GRIK2: variants seen among roughly 807,000 people sequenced by gnomAD.
GRIK2 encodes glutamate ionotropic receptor kainate type subunit 2.
GRIK2 carries 32 observed loss-of-function variants against 100.3 expected under a neutral mutation model. That is an observed-to-expected ratio of 0.32 (90% CI 0.24 to 0.43). The LOEUF is 0.43. GRIK2 is among the 20% of genes least tolerant of loss of function. The pLI is 1.00. For missense variants in GRIK2, 843 were observed against 1,114.9 expected (o/e 0.76, Z 3.47); for synonymous variants, 417 against 389.4 (o/e 1.07, Z -0.83).
intron 11 of GRIK2, among the ~76,000 whole-genome samples, chr6:101,886,769 G>A (rs546139334): frequency 1.8e-4 from 26 of 146,900 alleles, no homozygotes; most frequent in Admixed American, 5.5e-4. Context: ...AACCTTTCCC[G>A]CTACCCCTAT....
intron 4 of GRIK2, among the ~76,000 whole-genome samples, chr6:101,658,778 G>A (rs937625556): frequency 5.3e-5 from 8 of 152,158 alleles, no homozygotes; most frequent in African/African-American, 1.2e-4. Context: ...AATGAACAGT[G>A]ATGATGAGCT....
intron 4 of GRIK2, among the ~76,000 whole-genome samples, chr6:101,639,133 G>T (rs992072635): frequency 2.0e-5 from 3 of 152,038 alleles, no homozygotes; most frequent in Non-Finnish European, 4.4e-5. Flanking sequence ...CCCACCTTCC[G>T]GATTCAAGCT....
chr6:101,425,029 A>G (rs2852519), intron 2 of GRIK2, among the ~76,000 whole-genome samples: 120,550 of 151,252 alleles, frequency 0.8, 48,640 homozygotes, highest in East Asian at 0.97. Context: ...ATAAACATAC[A>G]TGTGCAGTGC....
chr6:101,949,885 G>A (rs1210916042), intron 14 of GRIK2, among the ~76,000 whole-genome samples: 2 of 152,076 alleles, frequency 1.3e-5, no homozygotes, highest in Non-Finnish European at 2.9e-5. Context: ...TAATGGGATT[G>A]CTGGGCCAAA....
intron 16 of GRIK2, chr6:102,063,981 T>C (rs1318471786): frequency 6.5e-7 from 1 of 1,547,152 alleles, no homozygotes; most frequent in Non-Finnish European, 8.9e-7. Flanking sequence ...ATTTGGTTAG[T>C]GCCACCATAC....
At chr6:101,984,751 G>T (rs1359360161) in intron 14 of GRIK2, among the ~76,000 whole-genome samples, 2 of 151,166 alleles carry the variant, frequency 1.3e-5, no homozygotes, top group Non-Finnish European at 1.5e-5. Context: ...AAGTAAAAAT[G>T]GTCTTTTCAT....
intron 7 of GRIK2, among the ~76,000 whole-genome samples, chr6:101,759,585 A>G (rs1387311777): frequency 6.6e-6 from 1 of 152,142 alleles, no homozygotes. Flanking sequence ...CAGGGGACAT[A>G]TGGCTGTTAA....
intron 9 of GRIK2, among the ~76,000 whole-genome samples, chr6:101,815,489 TA>T (rs1781578542): frequency 6.6e-6 from 1 of 152,160 alleles, no homozygotes; most frequent in Non-Finnish European, 1.5e-5. Flanking sequence ...CAAATCATGA[TA>T]TTTTTTATTT....
chr6:101,566,705 A>G (rs1368545832), intron 2 of GRIK2, among the ~76,000 whole-genome samples: 2 of 151,114 alleles, frequency 1.3e-5, no homozygotes, highest in African/African-American at 4.8e-5. Context: ...CCATTTCAAA[A>G]TCAATCAGTG....
chr6:101,506,883 T>C (rs1465157845), intron 2 of GRIK2, among the ~76,000 whole-genome samples: 1 of 152,114 alleles, frequency 6.6e-6, no homozygotes, highest in African/African-American at 2.4e-5. Flanking sequence ...TTTATCTAAA[T>C]CAAGCTAGAA....
chr6:101,578,235 T>C (rs950957019), intron 2 of GRIK2, among the ~76,000 whole-genome samples: 4 of 152,150 alleles, frequency 2.6e-5, no homozygotes, highest in African/African-American at 9.7e-5. Context: ...GTGTGCCCAA[T>C]TTAGAAGAAA....
chr6:101,988,090 AGTGT>A (rs57491735), intron 14 of GRIK2, among the ~76,000 whole-genome samples: 23,769 of 141,192 alleles, frequency 0.17, 2,148 homozygotes, highest in East Asian at 0.29. Flanking sequence ...CCAGTATTAT[AGTGT>A]GTGTGTGTGT....
At chr6:101,853,099 A>G (rs1784231846) in intron 10 of GRIK2, among the ~76,000 whole-genome samples, 1 of 152,182 alleles carries the variant, frequency 6.6e-6, no homozygotes, top group African/African-American at 2.4e-5. Flanking sequence ...AAAATCCAAC[A>G]TATACGGTTT....
intron 14 of GRIK2, among the ~76,000 whole-genome samples, chr6:101,977,651 T>C (rs535192538): frequency 6.6e-6 from 1 of 152,090 alleles, no homozygotes; most frequent in South Asian, 2.1e-4. Flanking sequence ...AAAGCCATTG[T>C]GGACCCCAAG....
chr6:102,060,598 G>GT (rs1214506179), intron 16 of GRIK2, among the ~76,000 whole-genome samples: 5 of 150,626 alleles, frequency 3.3e-5, no homozygotes, highest in Non-Finnish European at 6.0e-5. Flanking sequence ...TACTTTTGGG[G>GT]TAAGGTATAG....
chr6:101,510,503 T>A (rs1026168560), intron 2 of GRIK2, among the ~76,000 whole-genome samples: 1 of 143,630 alleles, frequency 7.0e-6, no homozygotes, highest in African/African-American at 2.6e-5. Context: ...ATGATCCCAG[T>A]TGGGGAGTTT....
intron 12 of GRIK2, among the ~76,000 whole-genome samples, chr6:101,902,465 CTT>C (rs1787912507): frequency 6.6e-6 from 1 of 151,828 alleles, no homozygotes; most frequent in Admixed American, 6.6e-5. Context: ...CAATTCTAAA[CTT>C]AAAGTAAATG....
chr6:101,749,664 TTC>T (rs1222082106), intron 7 of GRIK2, among the ~76,000 whole-genome samples: 1 of 152,262 alleles, frequency 6.6e-6, no homozygotes, highest in South Asian at 2.1e-4. Context: ...AAAAGTGATT[TTC>T]TCTTTTTGGT....
intron 2 of GRIK2, among the ~76,000 whole-genome samples, chr6:101,556,795 A>G (rs745854804): frequency 1.1e-4 from 17 of 152,192 alleles, no homozygotes; most frequent in Non-Finnish European, 2.1e-4. Flanking sequence ...TTGAGTATTC[A>G]AACAGGTCGG....
Sources: allele counts gnomAD v4.1 joint callset (sites outside exome capture counted in the v4.1 genomes callset), GRCh38; gene constraint gnomAD v4.1.1; transcripts MANE v1.5; gene names NCBI Gene and HGNC (gene_info 2026-07-23, HGNC 2026-07-21).